The following PLCB4 variants were observed in gnomAD, a reference collection of about 807,000 sequenced individuals.
The protein encoded by PLCB4 is phospholipase C beta 4.
A neutral mutation model predicts 178.8 loss-of-function variants in PLCB4; 77 were observed. That is an observed-to-expected ratio of 0.43 (90% CI 0.36 to 0.52). PLCB4 has a LOEUF of 0.52. Among genes scored for constraint, PLCB4 ranks in the 20% least tolerant of loss-of-function variants. The pLI is 0.00. For synonymous variants in PLCB4, 496 were observed against 490.8 expected, an observed-to-expected ratio of 1.01 and a Z score of -0.14; for missense variants, 1,024 against 1,453.4, an observed-to-expected ratio of 0.70 and a Z score of 4.80.
chr20:9,217,965 C>CA, intron 3 of PLCB4, among the ~76,000 whole-genome samples: 1 of 151,998 alleles, frequency 6.6e-6, no homozygotes, highest in African/African-American at 2.4e-5. Flanking sequence ...TTTAAAGAAA[C>CA]GCAAAAAGGG....
rs1568713495 is a variant in PLCB4 at position 9,388,429 on chromosome 20, A to G, written c.1158+873A>G. Among the ~76,000 whole-genome samples the G allele has an allele frequency of 2.0e-5, 3 of 152,030 alleles. No homozygotes were observed. In the South Asian group the frequency reaches 6.2e-4, roughly 32 times the overall value. ...CATCACCATGGGTATTTTCAAAAAC[A>G]TAGGTGCTGCTGGGCGTGGTGGCTC... On this transcript the variant is annotated intron_variant, in intron 15 of 39. Coordinates refer to ENST00000378473, the MANE Select transcript of PLCB4 (RefSeq NM_001377142.1).
In PLCB4 at chr20:9,277,034, C is replaced by A. The variant is rs147739641; in HGVS notation, c.-15-30766C>A. Among the ~76,000 whole-genome samples, 1,339 of 152,196 alleles carry A rather than the reference C, an allele frequency of 8.8e-3. 9 individuals carry two copies. The highest frequency in any genetic ancestry group is 0.014 in the Non-Finnish European group (957 of 67,974). ...CATTTTAATGGGGCCCCCAGGTAAT[C>A]TGGATGCACAGTAAAGTCTGGGAAG... On this transcript the variant is annotated intron_variant, in intron 3 of 39. Transcript: ENST00000378473.
At chr20:9,357,465 TGTG>T (rs2034938881) in intron 7 of PLCB4, among the ~76,000 whole-genome samples, 1 of 152,184 alleles carries the variant, frequency 6.6e-6, no homozygotes, top group Non-Finnish European at 1.5e-5. Flanking sequence ...GAATATCCTG[TGTG>T]TAGTCACTCT....
chr20:9,246,157 G>A (rs971639815), intron 3 of PLCB4, among the ~76,000 whole-genome samples: 3 of 151,926 alleles, frequency 2.0e-5, no homozygotes, highest in African/African-American at 4.8e-5. Flanking sequence ...TTGAATAATT[G>A]TATAATACAT....
chr20:9,110,832 A>ATCT (rs1193341015), intron 2 of PLCB4, among the ~76,000 whole-genome samples: 3 of 152,096 alleles, frequency 2.0e-5, no homozygotes, highest in Admixed American at 6.6e-5. Context: ...TTTTTTCATA[A>ATCT]TCATGAAGGT....
chr20:9,389,048 G>A (rs2037916769), intron 15 of PLCB4, among the ~76,000 whole-genome samples: 1 of 152,132 alleles, frequency 6.6e-6, no homozygotes, highest in South Asian at 2.1e-4. Context: ...CTACAAACCA[G>A]TAAGAATTTG....
chr20:9,172,576 CTT>C (rs1286813641), intron 2 of PLCB4, among the ~76,000 whole-genome samples: 6 of 152,152 alleles, frequency 3.9e-5, no homozygotes, highest in African/African-American at 1.2e-4. Context: ...TGTAAGTCCT[CTT>C]TGCAGAAACA....
intron 25 of PLCB4, among the ~76,000 whole-genome samples, chr20:9,416,729 T>C (rs2040275550): frequency 6.6e-6 from 1 of 152,190 alleles, no homozygotes; most frequent in South Asian, 2.1e-4. Context: ...ATATTAATAT[T>C]GTGGGTTGCA....
chr20:9,140,546 G>A (rs182372767), intron 2 of PLCB4, among the ~76,000 whole-genome samples: 2 of 151,706 alleles, frequency 1.3e-5, no homozygotes. Flanking sequence ...TTGGAGGGGG[G>A]GCCTGGTGGG....
At chr20:9,353,368 G>A (rs1278454253) in intron 7 of PLCB4, among the ~76,000 whole-genome samples, 1 of 152,180 alleles carries the variant, frequency 6.6e-6, no homozygotes, top group Non-Finnish European at 1.5e-5. Context: ...GGGCATGTGG[G>A]CGTTTCCAAC....
chr20:9,071,342 G>T (rs2024953), intron 1 of PLCB4, among the ~76,000 whole-genome samples: 71,012 of 151,906 alleles, frequency 0.47, 17,399 homozygotes, highest in Middle Eastern at 0.58. Flanking sequence ...CAGTAAACAT[G>T]GTATTTTCCT....
In PLCB4 at chr20:9,478,603, A is replaced by T. The variant is rs565509790; in HGVS notation, c.3533-318A>T. Among the ~76,000 whole-genome samples the T allele has an allele frequency of 5.3e-5, 8 of 152,312 alleles. No individual in the cohort carries two copies. The South Asian group carries it at 1.7e-3, about 32-fold the overall frequency. Reference sequence around the variant, plus strand: ...TTGTGGTATGGTCTAAAGATAAAGCAAGTGGTCTACCCTCTTCTCAAGTGG... The same window carrying T: ...TTGTGGTATGGTCTAAAGATAAAGCTAGTGGTCTACCCTCTTCTCAAGTGG... On this transcript the variant is annotated intron_variant, in intron 39 of 39. Transcript: ENST00000378473.
At chr20:9,382,332 T>G (rs541730263) in intron 13 of PLCB4, among the ~76,000 whole-genome samples, 1 of 152,290 alleles carries the variant, frequency 6.6e-6, no homozygotes, top group East Asian at 1.9e-4. Context: ...CCCTACAATT[T>G]ATGGTCCACA....
chr20:9,428,176 C>G (rs955659717), intron 28 of PLCB4, among the ~76,000 whole-genome samples: 3 of 152,170 alleles, frequency 2.0e-5, no homozygotes, highest in Admixed American at 1.3e-4. Context: ...GAAATAATCT[C>G]AGGACTTCCT....
intron 2 of PLCB4, among the ~76,000 whole-genome samples, chr20:9,152,474 G>A (rs535381631): frequency 6.6e-6 from 1 of 152,304 alleles, no homozygotes; most frequent in South Asian, 2.1e-4. Flanking sequence ...TAGAGCTTGG[G>A]CTGTGGCTTC....
At chr20:9,090,223 TTA>T (rs1024332883) in intron 1 of PLCB4, among the ~76,000 whole-genome samples, 5 of 45,786 alleles carry the variant, frequency 1.1e-4, no homozygotes, top group African/African-American at 3.9e-4. Context: ...AGAATACTAT[TTA>T]TGTGTGTGTG....
At chr20:9,360,747 A>G (rs1180858628) in intron 7 of PLCB4, among the ~76,000 whole-genome samples, 1 of 152,216 alleles carries the variant, frequency 6.6e-6, no homozygotes, top group African/African-American at 2.4e-5. Flanking sequence ...CTTTAATTCT[A>G]CTATTTCATT....
intron 3 of PLCB4, among the ~76,000 whole-genome samples, chr20:9,265,951 G>A (rs753452992): frequency 1.4e-4 from 21 of 152,140 alleles, no homozygotes; most frequent in Non-Finnish European, 1.0e-4. Flanking sequence ...AAGAGATTTC[G>A]ATGCATGCTC....
At chr20:9,453,592 T>C in intron 33 of PLCB4, 130 bp downstream of exon 33, 1 of 598,540 alleles carries the variant, frequency 1.7e-6, no homozygotes, top group Non-Finnish European at 2.9e-6. Context: ...AAATTATTCC[T>C]GGGAAGTAAG....
Sources: allele counts gnomAD v4.1 joint callset (sites outside exome capture counted in the v4.1 genomes callset), GRCh38; gene constraint gnomAD v4.1.1; transcripts MANE v1.5; gene names NCBI Gene and HGNC (gene_info 2026-07-23, HGNC 2026-07-21).